The following APP variants were observed in gnomAD, a reference collection of about 807,000 sequenced individuals.
The protein encoded by APP is amyloid beta precursor protein.
In APP, 31 loss-of-function variants were observed where a neutral mutation model predicts 101.4. The ratio of observed to expected loss-of-function variants is 0.31; its 90% CI spans 0.23 to 0.41. The LOEUF is 0.41. APP is among the 10% of genes least tolerant of loss of function. The pLI, the probability that APP is intolerant of heterozygous loss-of-function variation, is 1.00. For synonymous variants in APP, 366 were observed against 364.4 expected, an observed-to-expected ratio of 1.00 and a Z score of -0.05; for missense variants, 839 against 1,003.7, an observed-to-expected ratio of 0.84 and a Z score of 2.22.
At chr21:26,129,509 A>C (rs898814792) in intron 1 of APP, among the ~76,000 whole-genome samples, 1 of 152,126 alleles carries the variant, frequency 6.6e-6, no homozygotes, top group African/African-American at 2.4e-5. Flanking sequence ...CTTTTAAACT[A>C]TACAGGTGAA....
chr21:25,898,781 C>T (rs2038247025), intron 15 of APP, among the ~76,000 whole-genome samples: 1 of 152,164 alleles, frequency 6.6e-6, no homozygotes, highest in African/African-American at 2.4e-5. Context: ...CATGTTCCTG[C>T]TGGTTCTTGT....
chr21:26,005,309 G>C (rs1474864330), intron 6 of APP, among the ~76,000 whole-genome samples: 1 of 152,028 alleles, frequency 6.6e-6, no homozygotes, highest in African/African-American at 2.4e-5. Flanking sequence ...ACCTACTCGC[G>C]AGGCCGAAGC....
At chr21:26,086,486 T>A (rs1009046858) in intron 3 of APP, among the ~76,000 whole-genome samples, 1 of 152,192 alleles carries the variant, frequency 6.6e-6, no homozygotes, top group African/African-American at 2.4e-5. Flanking sequence ...AACAAGCATT[T>A]TTCTCTCTTC....
chr21:26,088,524 C>G (rs1439979205), intron 3 of APP, among the ~76,000 whole-genome samples: 1 of 152,166 alleles, frequency 6.6e-6, no homozygotes, highest in African/African-American at 2.4e-5. Flanking sequence ...TTAACAAAGC[C>G]TGGCCCATCA....
chr21:26,062,853 C>T (rs2046326126), intron 3 of APP, among the ~76,000 whole-genome samples: 1 of 152,012 alleles, frequency 6.6e-6, no homozygotes, highest in Admixed American at 6.6e-5. Flanking sequence ...GCCTTGACTT[C>T]CTGGGCTCAG....
chr21:26,032,895 A>C (rs2044904675), intron 5 of APP, among the ~76,000 whole-genome samples: 1 of 151,960 alleles, frequency 6.6e-6, no homozygotes, highest in Admixed American at 6.6e-5. Context: ...AGCCCTGCAG[A>C]GATGGGATGT....
intron 13 of APP, among the ~76,000 whole-genome samples, chr21:25,918,534 C>T (rs527399460): frequency 4.6e-5 from 7 of 152,080 alleles, no homozygotes; most frequent in African/African-American, 1.4e-4. Flanking sequence ...GCACCGTGCG[C>T]GAGCCGAAGC....
At chr21:26,149,241 A>G (rs1257092033) in intron 1 of APP, among the ~76,000 whole-genome samples, 2 of 152,236 alleles carry the variant, frequency 1.3e-5, no homozygotes, top group South Asian at 2.1e-4. Flanking sequence ...GGCAGAGAAG[A>G]TAAGTGGTTA....
At chr21:25,960,026 G>C (rs1463329484) in intron 11 of APP, among the ~76,000 whole-genome samples, 2 of 152,198 alleles carry the variant, frequency 1.3e-5, no homozygotes, top group African/African-American at 4.8e-5. Context: ...ATAACGAGAT[G>C]CAGATGAACT....
At chr21:26,143,573 G>A (rs944330249) in intron 1 of APP, among the ~76,000 whole-genome samples, 1 of 152,138 alleles carries the variant, frequency 6.6e-6, no homozygotes, top group African/African-American at 2.4e-5. Context: ...TGTGTGGTAA[G>A]AATATTTAAC....
chr21:25,999,872 G>T, intron 7 of APP, 143 bp downstream of exon 7: 2 of 945,340 alleles, frequency 2.1e-6, no homozygotes, highest in Non-Finnish European at 3.3e-6. Flanking sequence ...GAGACTCTGA[G>T]CAATTAGAGA....
chr21:26,113,451 G>T (rs45495091), intron 1 of APP, among the ~76,000 whole-genome samples: 1 of 152,084 alleles, frequency 6.6e-6, no homozygotes, highest in South Asian at 2.1e-4. Flanking sequence ...CCCAACAGAG[G>T]ACTTAGGTCC....
intron 1 of APP, among the ~76,000 whole-genome samples, chr21:26,154,503 T>C (rs564622101): frequency 2.0e-5 from 3 of 152,322 alleles, no homozygotes; most frequent in South Asian, 4.1e-4. Context: ...AAGATATGCC[T>C]GGTAACTCTA....
chr21:25,897,513 A>C (rs1389853249), intron 16 of APP, 60 bp downstream of exon 16: 2 of 1,235,134 alleles, frequency 1.6e-6, no homozygotes, highest in Non-Finnish European at 2.4e-6. Context: ...GATGAACCAG[A>C]GTTAATAGGT....
At chr21:25,890,754 G>T (rs1174480745) in intron 17 of APP, among the ~76,000 whole-genome samples, 2 of 144,172 alleles carry the variant, frequency 1.4e-5, no homozygotes, top group Non-Finnish European at 3.0e-5. Flanking sequence ...TGGGGAATAT[G>T]AGGGGAAATC....
chr21:26,169,148 AAC>A (rs2063683086), intron 1 of APP: 1 of 152,232 alleles, frequency 6.6e-6, no homozygotes, highest in Admixed American at 6.5e-5. Context: ...TGTAAAGAAA[AAC>A]AGTCATTGTG....
intron 2 of APP, among the ~76,000 whole-genome samples, chr21:26,102,309 T>TGA (rs1279166716): frequency 6.6e-6 from 1 of 152,084 alleles, no homozygotes; most frequent in East Asian, 1.9e-4. Flanking sequence ...CGGGATGGTC[T>TGA]CGATCTCCTG....
chr21:26,147,196 T>A (rs1437801396), intron 1 of APP, among the ~76,000 whole-genome samples: 1 of 152,192 alleles, frequency 6.6e-6, no homozygotes, highest in African/African-American at 2.4e-5. Context: ...CTACTACACT[T>A]ATAAACACCC....
chr21:26,166,950 G>GTGTGTC (rs1555886404), intron 1 of APP, among the ~76,000 whole-genome samples: 4 of 150,042 alleles, frequency 2.7e-5, no homozygotes, highest in African/African-American at 7.5e-5. Context: ...GTGTGTGTGT[G>GTGTGTC]TGTCTGTCTG....
Sources: gnomAD v4.1 joint callset for allele counts (sites outside exome capture counted in the v4.1 genomes callset) on GRCh38, gnomAD v4.1.1 for gene constraint, MANE v1.5 for transcripts, NCBI Gene and HGNC (gene_info 2026-07-23, HGNC 2026-07-21) for gene names.